Variants in PTPRD observed in about 807,000 individuals in gnomAD.
PTPRD encodes protein tyrosine phosphatase receptor type D.
PTPRD carries 34 observed loss-of-function variants against 214.5 expected under a neutral mutation model. The ratio of observed to expected loss-of-function variants is 0.16; its 90% CI spans 0.12 to 0.21. The LOEUF (loss-of-function observed/expected upper bound fraction) is 0.21, where lower values mean the gene tolerates loss of function less well. Among genes scored for constraint, PTPRD ranks in the 10% least tolerant of loss-of-function variants. The probability of loss-of-function intolerance (pLI) is 1.00; values close to 1 mark genes in which losing one functional copy is unlikely to be tolerated. For missense variants in PTPRD, 2,545 were observed against 2,398.7 expected (o/e 1.06, Z -1.27); for synonymous variants, 1,128 against 845.7 (o/e 1.33, Z -5.79).
At chr9:9,463,587 A>C (rs932867033) in intron 8 of PTPRD, among the ~76,000 whole-genome samples, 8 of 152,144 alleles carry the variant, frequency 5.3e-5, no homozygotes, top group Admixed American at 5.2e-4. Flanking sequence ...GACTGAAAAA[A>C]TACAATCCAA....
Position 10,612,517 on chromosome 9 carries a change from G to A in PTPRD, c.-707-12C>T, listed in dbSNP as rs986473246. On this transcript the variant is annotated splice_polypyrimidine_tract_variant and intron_variant, in intron 1 of 45. Coordinates refer to ENST00000381196, the MANE Select transcript of PTPRD (RefSeq NM_002839.4). ...AGGCCCAGAATAAACTGCAAAAAGG[G>A]ATGGCACATGCACAGCAGCCCGTCA... The A allele has an allele frequency of 2.0e-5, 3 of 152,234 alleles. No homozygotes were observed. Among genetic ancestry groups the A allele is most frequent in the African/African-American group, 7.2e-5 (3 of 41,454 alleles). 9.4% of individuals were successfully genotyped at this position (152,234 alleles called of 1,614,324 possible).
intron 10 of PTPRD, among the ~76,000 whole-genome samples, chr9:9,036,463 G>A (rs1369991859): frequency 6.6e-6 from 1 of 152,022 alleles, no homozygotes; most frequent in Admixed American, 6.6e-5. Context: ...AATCCTAGAT[G>A]GGATTCTGGA....
At chr9:9,195,080 G>A (rs1435001507) in intron 9 of PTPRD, among the ~76,000 whole-genome samples, 1 of 95,670 alleles carries the variant, frequency 1.0e-5, no homozygotes, top group Admixed American at 1.4e-4. Context: ...ATATGTGTGT[G>A]TTTGTGTATA....
At chr9:9,985,545 G>C (rs1222462872) in intron 4 of PTPRD, among the ~76,000 whole-genome samples, 2 of 151,972 alleles carry the variant, frequency 1.3e-5, no homozygotes, top group African/African-American at 4.8e-5. Flanking sequence ...ACAGATGATG[G>C]TCAAAATGAT....
chr9:9,193,604 G>C (rs1454701488), intron 9 of PTPRD, among the ~76,000 whole-genome samples: 1 of 152,078 alleles, frequency 6.6e-6, no homozygotes, highest in Admixed American at 6.6e-5. Flanking sequence ...GCTGAATACT[G>C]TAGGCAACTG....
chr9:10,066,147 TTTTTTA>T (rs1453319301), intron 3 of PTPRD, among the ~76,000 whole-genome samples: 1 of 151,948 alleles, frequency 6.6e-6, no homozygotes, highest in Non-Finnish European at 1.5e-5. Flanking sequence ...AGGATACTTT[TTTTTTA>T]TTTTTAAGGC....
chr9:9,656,824 TG>T (rs530808265), intron 7 of PTPRD, among the ~76,000 whole-genome samples: 178 of 152,046 alleles, frequency 1.2e-3, no homozygotes, highest in African/African-American at 4.1e-3. Context: ...ACTTCTCTGG[TG>T]GGGGATGTTG....
chr9:10,432,646 G>A (rs1191056377), intron 2 of PTPRD, among the ~76,000 whole-genome samples: 1 of 151,814 alleles, frequency 6.6e-6, no homozygotes, highest in Non-Finnish European at 1.5e-5. Context: ...ATTACAACCT[G>A]ATCATTGAAT....
chr9:8,492,200 G>C (rs540475153), intron 27 of PTPRD, among the ~76,000 whole-genome samples: 3 of 152,228 alleles, frequency 2.0e-5, no homozygotes, highest in African/African-American at 7.2e-5. Context: ...GGGTGGGGAA[G>C]ACAAAATGAC....
At chr9:9,980,206 G>A (rs775090642) in intron 4 of PTPRD, among the ~76,000 whole-genome samples, 96 of 152,068 alleles carry the variant, frequency 6.3e-4, no homozygotes, top group Non-Finnish European at 8.7e-4. Flanking sequence ...ACAGATTACC[G>A]TAGTAGAAAG....
At chr9:9,354,311 C>A (rs984290806) in intron 9 of PTPRD, among the ~76,000 whole-genome samples, 2 of 151,732 alleles carry the variant, frequency 1.3e-5, no homozygotes, top group African/African-American at 4.8e-5. Flanking sequence ...TTTTAGAATT[C>A]TTTCTACCAC....
intron 3 of PTPRD, among the ~76,000 whole-genome samples, chr9:10,083,621 G>A (rs769506520): frequency 6.6e-6 from 1 of 151,948 alleles, no homozygotes; most frequent in Non-Finnish European, 1.5e-5. Context: ...AATAGAAGAA[G>A]CCCTCACAGC....
chr9:8,704,503 T>C (rs1449790035), intron 12 of PTPRD, among the ~76,000 whole-genome samples: 1 of 152,058 alleles, frequency 6.6e-6, no homozygotes, highest in East Asian at 1.9e-4. Flanking sequence ...TTACGTAGAG[T>C]ATCATGAACT....
At chr9:9,175,152 C>T (rs2099923868) in intron 10 of PTPRD, among the ~76,000 whole-genome samples, 1 of 152,082 alleles carries the variant, frequency 6.6e-6, no homozygotes, top group Non-Finnish European at 1.5e-5. Flanking sequence ...TGTTTATATG[C>T]CACCCAGTCT....
intron 11 of PTPRD, among the ~76,000 whole-genome samples, chr9:8,852,462 G>T (rs2097839125): frequency 6.6e-6 from 1 of 152,194 alleles, no homozygotes; most frequent in African/African-American, 2.4e-5. Context: ...GACTCAGATG[G>T]CTGCTTTGGC....
intron 3 of PTPRD, among the ~76,000 whole-genome samples, chr9:10,168,092 C>G (rs1009590340): frequency 6.6e-6 from 1 of 152,080 alleles, no homozygotes; most frequent in African/African-American, 2.4e-5. Flanking sequence ...TGTAGAACAT[C>G]TTGAAGTTTG....
intron 5 of PTPRD, among the ~76,000 whole-genome samples, chr9:9,889,864 G>T (rs28549263): frequency 0.17 from 26,212 of 151,570 alleles, 2,911 homozygotes; most frequent in African/African-American, 0.32. Flanking sequence ...GTTTCTGAAG[G>T]GTGCACGGGT....
chr9:8,324,604 G>C (rs879127057), intron 44 of PTPRD, among the ~76,000 whole-genome samples: 1 of 152,080 alleles, frequency 6.6e-6, no homozygotes, highest in African/African-American at 2.4e-5. Context: ...ACAATCCTTT[G>C]GGTATACACT....
chr9:9,309,660 C>G (rs1184641432), intron 9 of PTPRD, among the ~76,000 whole-genome samples: 1 of 152,114 alleles, frequency 6.6e-6, no homozygotes, highest in African/African-American at 2.4e-5. Flanking sequence ...TGTGGCTCTC[C>G]ATCTTGTCTA....
Sources: gnomAD v4.1 joint callset for allele counts (sites outside exome capture counted in the v4.1 genomes callset) on GRCh38, gnomAD v4.1.1 for gene constraint, MANE v1.5 for transcripts, NCBI Gene and HGNC (gene_info 2026-07-23, HGNC 2026-07-21) for gene names.